Variants in VWDE observed in about 807,000 individuals in gnomAD.
The protein encoded by VWDE is von Willebrand factor D and EGF domain-containing protein.
Under a neutral mutation model 178.4 loss-of-function variants are expected in VWDE, and 207 were observed. The observed-to-expected ratio is 1.16, with a 90% CI of 1.04 to 1.30. The LOEUF (loss-of-function observed/expected upper bound fraction) is 1.30, where lower values mean the gene tolerates loss of function less well. Ranked by LOEUF, VWDE falls within the 50% of genes most tolerant of loss-of-function variation. The probability of loss-of-function intolerance (pLI) is 0.00; values close to 1 mark genes in which losing one functional copy is unlikely to be tolerated. For synonymous variants in VWDE, 738 were observed against 651.4 expected (o/e 1.13, Z -2.02); for missense variants, 2,287 against 1,901.3 (o/e 1.20, Z -3.77).
At chr7:12,342,194 G>T (rs1781372540) in intron 22 of VWDE, 40 bp from the exon 23 acceptor site, 1 of 1,510,918 alleles carries the variant, frequency 6.6e-7, no homozygotes, top group African/African-American at 1.4e-5. Flanking sequence ...GATTAGGCTT[G>T]GAGTAGTCAT....
chr7:12,385,545 C>T (rs1040265523), intron 3 of VWDE, among the ~76,000 whole-genome samples: 1 of 152,136 alleles, frequency 6.6e-6, no homozygotes, highest in Non-Finnish European at 1.5e-5. Flanking sequence ...ATCCTGTCAC[C>T]ATGAAGGAAA....
At chr7:12,332,920 C>A (rs1780804064) in intron 28 of VWDE, among the ~76,000 whole-genome samples, 1 of 152,112 alleles carries the variant, frequency 6.6e-6, no homozygotes, top group South Asian at 2.1e-4. Flanking sequence ...TAAATTACAA[C>A]TCCTACATAT....
In VWDE at chr7:12,367,504, A is replaced by C; in HGVS notation, c.2762-11T>G. ...TTTCAGGAGCTTTGTCTTTGGAAAA[A>C]AAATATAACAAATACTACATATTTT... On this transcript the variant is annotated splice_polypyrimidine_tract_variant and intron_variant, in intron 12 of 28. Transcript: ENST00000275358. 6.7e-7 allele frequency: 1 copy of C among 1,488,236 alleles called. No individual in the cohort carries two copies. The highest frequency in any genetic ancestry group is 8.9e-7 in the Non-Finnish European group (1 of 1,120,598). The allele number at this position is 1,488,236 out of a possible 1,614,324, so 92.2% of individuals were successfully genotyped here.
At chr7:12,350,763 A>G (rs1781886775) in intron 19 of VWDE, among the ~76,000 whole-genome samples, 1 of 152,150 alleles carries the variant, frequency 6.6e-6, no homozygotes, top group African/African-American at 2.4e-5. Flanking sequence ...GTAAAATAGA[A>G]GTAATAACAG....
chr7:12,342,841 C>A (rs1340944005), intron 22 of VWDE, among the ~76,000 whole-genome samples: 3 of 150,422 alleles, frequency 2.0e-5, no homozygotes, highest in Admixed American at 6.6e-5. Context: ...CATCCCCCCA[C>A]CCCACAACAG....
At chr7:12,348,867 A>C (rs926669868) in intron 19 of VWDE, among the ~76,000 whole-genome samples, 191 of 151,896 alleles carry the variant, frequency 1.3e-3, no homozygotes, top group African/African-American at 4.5e-3. Context: ...AAAATGTGGC[A>C]CATATACACC....
At chr7:12,384,913 CT>C (rs1296130753) in intron 3 of VWDE, among the ~76,000 whole-genome samples, 2 of 152,138 alleles carry the variant, frequency 1.3e-5, no homozygotes, top group Non-Finnish European at 2.9e-5. Flanking sequence ...ACATTTTTAA[CT>C]TCTCATAGGC....
chr7:12,341,956 G>C (rs1012424308), intron 23 of VWDE, 103 bp downstream of exon 23: 1 of 821,184 alleles, frequency 1.2e-6, no homozygotes, highest in Non-Finnish European at 2.0e-6. Flanking sequence ...CTATCTACCT[G>C]TCTTGTCAGG....
chr7:12,360,324 T>C (rs17165894), intron 15 of VWDE, among the ~76,000 whole-genome samples: 14,332 of 151,974 alleles, frequency 0.094, 837 homozygotes, highest in East Asian at 0.19. Context: ...ACTTGGAAAA[T>C]TGCACAAAAG....
At chr7:12,366,185 A>G (rs959246448) in intron 13 of VWDE, among the ~76,000 whole-genome samples, 2 of 152,096 alleles carry the variant, frequency 1.3e-5, no homozygotes, top group African/African-American at 4.8e-5. Flanking sequence ...TTCTTTATAA[A>G]TTACCTAGTC....
At chr7:12,349,846 C>T (rs1781835439) in intron 19 of VWDE, among the ~76,000 whole-genome samples, 1 of 151,830 alleles carries the variant, frequency 6.6e-6, no homozygotes, top group Non-Finnish European at 1.5e-5. Flanking sequence ...AATAGCTATA[C>T]ATAAGAAGAC....
chr7:12,356,706 T>C (rs2128551949), intron 17 of VWDE, among the ~76,000 whole-genome samples: 1 of 152,340 alleles, frequency 6.6e-6, no homozygotes, highest in African/African-American at 2.4e-5. Context: ...ACTGGGTTAA[T>C]ATGGCATAGA....
chr7:12,387,467 T>C (rs1365566634), intron 3 of VWDE, among the ~76,000 whole-genome samples: 1 of 152,050 alleles, frequency 6.6e-6, no homozygotes, highest in Admixed American at 6.6e-5. Flanking sequence ...TTTCTAATAA[T>C]ACTGGTTTAA....
chr7:12,361,276 A>C (rs748812036), intron 14 of VWDE, 25 bp from the exon 15 acceptor site: 1 of 1,535,864 alleles, frequency 6.5e-7, no homozygotes. Flanking sequence ...TTCTATAATA[A>C]GATGATTTGT....
chr7:12,357,647 T>C lies in VWDE; in HGVS notation c.3275-132A>G. ...CTAAAAGGTCTATTAGCTGCTTTCA[T>C]TTTTTTTTTTAACATTCTGAGTAAG... On this transcript the variant is annotated intron_variant, in intron 16 of 28. Coordinates refer to ENST00000275358, the MANE Select transcript of VWDE (RefSeq NM_001135924.3). 4 of 521,640 alleles carry C rather than the reference T, an allele frequency of 7.7e-6. 1 individual carries two copies. The South Asian group carries it at 1.7e-4, about 22-fold the overall frequency. 32.3% of individuals were successfully genotyped at this position (521,640 alleles called of 1,614,324 possible).
intron 24 of VWDE, among the ~76,000 whole-genome samples, chr7:12,339,609 A>G (rs1781218378): frequency 6.6e-6 from 1 of 152,164 alleles, no homozygotes; most frequent in South Asian, 2.1e-4. Flanking sequence ...ATCAAAGTGC[A>G]TCGTGGCAAG....
At chr7:12,357,230 G>T (rs1273464607) in intron 17 of VWDE, 35 bp downstream of exon 17, 6 of 1,535,586 alleles carry the variant, frequency 3.9e-6, no homozygotes, top group Non-Finnish European at 4.4e-6. Context: ...AATTGCAAAA[G>T]AATCCAGTGG....
Position 12,344,488 on chromosome 7 carries a change from A to G in VWDE, c.3887-19T>C, listed in dbSNP as rs1781499391. Reference sequence around the variant, plus strand: ...CAAATGGCTAAAAAAAAATCAAAGAAAAAAAGGTTGATTGCTAAAACAGAA... The same window carrying G: ...CAAATGGCTAAAAAAAAATCAAAGAGAAAAAGGTTGATTGCTAAAACAGAA... On this transcript the variant is annotated intron_variant, in intron 19 of 28. Coordinates refer to ENST00000275358, the MANE Select transcript of VWDE (RefSeq NM_001135924.3). The G allele has an allele frequency of 6.5e-7, 1 of 1,530,352 alleles. No individual in the cohort carries two copies. Among genetic ancestry groups the G allele is most frequent in the Non-Finnish European group, 8.8e-7 (1 of 1,134,858 alleles). The allele number at this position is 1,530,352 out of a possible 1,614,324, so 94.8% of individuals were successfully genotyped here. A position where few individuals can be genotyped will look rare whatever the true frequency, so the allele number is the denominator to read the frequency against.
At chr7:12,371,182 T>A (rs186769984) in intron 10 of VWDE, among the ~76,000 whole-genome samples, 1 of 152,268 alleles carries the variant, frequency 6.6e-6, no homozygotes, top group East Asian at 1.9e-4. Flanking sequence ...GAGGAGGATG[T>A]TTGCCAAGTA....
Sources: allele counts gnomAD v4.1 joint callset (sites outside exome capture counted in the v4.1 genomes callset), GRCh38; gene constraint gnomAD v4.1.1; transcripts MANE v1.5; gene names NCBI Gene and HGNC (gene_info 2026-07-23, HGNC 2026-07-21).